Variants in IPO11 observed in about 807,000 individuals in gnomAD.
IPO11 encodes the protein importin 11.
In IPO11, 66 loss-of-function variants were observed where a neutral mutation model predicts 143.2. The observed-to-expected ratio is 0.46, with a 90% CI of 0.38 to 0.57. The LOEUF is 0.57. Ranked by LOEUF, IPO11 falls within the 20% of genes least tolerant of loss-of-function variation. The pLI is 0.00. For synonymous variants in IPO11, 385 were observed against 377.8 expected, an observed-to-expected ratio of 1.02 and a Z score of -0.22; for missense variants, 1,026 against 1,141.0, an observed-to-expected ratio of 0.90 and a Z score of 1.45.
intron 24 of IPO11, among the ~76,000 whole-genome samples, chr5:62,546,138 C>T (rs1442175290): frequency 2.0e-5 from 3 of 152,172 alleles, no homozygotes; most frequent in African/African-American, 4.8e-5. Context: ...GCTATAAAGA[C>T]ACATGCACAC....
chr5:62,444,767 GGTGACA>G (rs1744655365), intron 3 of IPO11, among the ~76,000 whole-genome samples: 2 of 152,074 alleles, frequency 1.3e-5, no homozygotes, highest in African/African-American at 4.8e-5. Flanking sequence ...TGCTGGGGAG[GGTGACA>G]CAGGAGAATC....
chr5:62,526,151 G>A lies in IPO11; in HGVS notation c.1906G>A (p.Ala636Thr), dbSNP rs1172126761. Reference sequence around the variant, plus strand: ...TTTATACTTCCCATAGGGATTAGGAGCAGACAGCAAGAACCTGTACCCTTT... The same window carrying A: ...TTTATACTTCCCATAGGGATTAGGAACAGACAGCAAGAACCTGTACCCTTT... ...TLIHLVQGLG[A>T]DSKNLYPFLL... Residue 636 changes from alanine to threonine, a missense_variant, in exon 21 of 30, where the codon GCA (alanine) becomes ACA (threonine). Physicochemically the swap from Ala to Thr is moderately conservative, Grantham distance 58. Around this residue, in one of 5 missense-constraint regions of IPO11, gnomAD observed 237 missense variants for 288.0 expected, o/e 0.82. Coordinates refer to ENST00000325324, the MANE Select transcript of IPO11 (RefSeq NM_016338.5). The A allele has an allele frequency of 3.1e-6, 5 of 1,609,608 alleles. No individual in the cohort carries two copies. The highest frequency in any genetic ancestry group is 4.5e-5 in the East Asian group (2 of 44,822).
intron 5 of IPO11, among the ~76,000 whole-genome samples, chr5:62,466,322 A>G (rs1745573801): frequency 6.6e-6 from 1 of 152,216 alleles, no homozygotes; most frequent in East Asian, 1.9e-4. Context: ...TCATAGAAAC[A>G]TGATTTTAAC....
rs32170 is a variant in IPO11, at chr5:62,551,246, G to T, written c.2370G>T (p.Thr790=). The change falls in exon 26 of 30, where the codon ACG becomes ACT. Residue 790 remains threonine (T), a synonymous_variant. Transcript: ENST00000325324. The stretch of plus-strand genomic sequence containing the variant: ...AGAGGTATCCTGTAGTGATGTCCAC[G>T]TATCTTGGAGTTATGGGTCGAGTTC... ...EGERYPVVMS[T]YLGVMGRVLL... The T allele has an allele frequency of 6.2e-7, 1 of 1,604,964 alleles. No homozygotes were observed. Among genetic ancestry groups the T allele is most frequent in the East Asian group, 2.2e-5 (1 of 44,642 alleles).
chr5:62,570,198 A>G (rs1744090153), intron 27 of IPO11, among the ~76,000 whole-genome samples: 1 of 152,176 alleles, frequency 6.6e-6, no homozygotes, highest in Admixed American at 6.5e-5. Flanking sequence ...AAAGAAGGTA[A>G]ATGATTAATT....
At chr5:62,463,811 C>T (rs1745462954) in intron 5 of IPO11, among the ~76,000 whole-genome samples, 1 of 151,284 alleles carries the variant, frequency 6.6e-6, no homozygotes, top group African/African-American at 2.4e-5. Flanking sequence ...ACTGAACATA[C>T]CTTTTACTTC....
intron 1 of IPO11, among the ~76,000 whole-genome samples, chr5:62,419,327 A>C (rs1743417066): frequency 6.6e-6 from 1 of 152,234 alleles, no homozygotes; most frequent in Non-Finnish European, 1.5e-5. Context: ...TTAGGCTAAA[A>C]TAAATTTATT....
chr5:62,562,399 G>T (rs1229455628), intron 27 of IPO11, among the ~76,000 whole-genome samples: 14 of 152,202 alleles, frequency 9.2e-5, no homozygotes, highest in Non-Finnish European at 4.4e-5. Flanking sequence ...ATGAACTGGG[G>T]GAGGGGAAGG....
At chr5:62,513,688 C>G (rs1486835189) in intron 19 of IPO11, among the ~76,000 whole-genome samples, 1 of 146,222 alleles carries the variant, frequency 6.8e-6, no homozygotes, top group African/African-American at 2.6e-5. Flanking sequence ...GGGCGGGGGG[C>G]TGAGCCCCCC....
intron 27 of IPO11, among the ~76,000 whole-genome samples, chr5:62,586,768 A>AAAT (rs1554057003): frequency 9.3e-4 from 27 of 28,912 alleles, no homozygotes; most frequent in African/African-American, 3.3e-3. Context: ...AAAAAAAAAA[A>AAAT]ATATATATAT....
At chr5:62,580,802 G>A in intron 27 of IPO11, 1 of 1,551,322 alleles carries the variant, frequency 6.4e-7, no homozygotes, top group Non-Finnish European at 8.7e-7. Context: ...ATTACTTTCT[G>A]GGAACGAATT....
chr5:62,559,851 G>A (rs1258897899), intron 26 of IPO11, among the ~76,000 whole-genome samples: 1 of 142,698 alleles, frequency 7.0e-6, no homozygotes. Context: ...GGGAGGCAGA[G>A]GTTGCAGTGA....
chr5:62,614,777 C>T (rs1746066447), intron 29 of IPO11, among the ~76,000 whole-genome samples: 1 of 152,184 alleles, frequency 6.6e-6, no homozygotes, highest in African/African-American at 2.4e-5. Context: ...CGTTAACCAG[C>T]TCAGTGCCCT....
chr5:62,580,189 C>T, intron 27 of IPO11: 2 of 1,551,190 alleles, frequency 1.3e-6, no homozygotes, highest in East Asian at 2.4e-5. Context: ...ATTTAAAGGA[C>T]TTGCCAATCT....
intron 1 of IPO11, among the ~76,000 whole-genome samples, chr5:62,423,904 C>A (rs1743605690): frequency 6.6e-6 from 1 of 152,152 alleles, no homozygotes; most frequent in Non-Finnish European, 1.5e-5. Context: ...TATTGTATTT[C>A]TCTAGTTTGC....
intron 22 of IPO11, among the ~76,000 whole-genome samples, chr5:62,531,927 A>G (rs1363047475): frequency 6.6e-6 from 1 of 152,152 alleles, no homozygotes; most frequent in East Asian, 1.9e-4. Context: ...ATAGGTGTTG[A>G]TCTACTAGAA....
chr5:62,585,824 A>G (rs1744751922), intron 27 of IPO11, among the ~76,000 whole-genome samples: 1 of 152,212 alleles, frequency 6.6e-6, no homozygotes, highest in Non-Finnish European at 1.5e-5. Flanking sequence ...GAAAAATTTC[A>G]GAGATAAATT....
chr5:62,508,518 T>C (rs1741638926), intron 19 of IPO11, among the ~76,000 whole-genome samples: 1 of 151,956 alleles, frequency 6.6e-6, no homozygotes, highest in African/African-American at 2.4e-5. Flanking sequence ...TTCTTCTTCT[T>C]CTTTCTTCCT....
intron 27 of IPO11, chr5:62,575,875 G>A (rs957202089): frequency 1.3e-5 from 2 of 152,076 alleles, no homozygotes; most frequent in Non-Finnish European, 2.9e-5. Context: ...CCTACATTGA[G>A]CAAAAGAATT....
Sources: allele counts gnomAD v4.1 joint callset (sites outside exome capture counted in the v4.1 genomes callset), GRCh38; gene constraint gnomAD v4.1.1; regional missense constraint gnomAD v4.1.1; transcripts MANE v1.5; gene names NCBI Gene and HGNC (gene_info 2026-07-23, HGNC 2026-07-21).